The following DRAM1 variants were observed in gnomAD, a reference collection of about 807,000 sequenced individuals.
DRAM1 encodes DNA damage-regulated autophagy modulator protein 1.
DRAM1 carries 25 observed loss-of-function variants against 28.5 expected under a neutral mutation model. The observed-to-expected ratio is 0.88, with a 90% confidence interval of 0.64 to 1.23. The LOEUF is 1.23. Ranked by LOEUF, DRAM1 falls within the 50% of genes most tolerant of loss-of-function variation. DRAM1 has a pLI of 0.00. For missense variants in DRAM1, 249 were observed against 299.2 expected, an observed-to-expected ratio of 0.83 and a Z score of 1.24; for synonymous variants, 113 against 114.2, an observed-to-expected ratio of 0.99 and a Z score of 0.07.
At chr12:101,917,791 T>G (rs922313519) in intron 5 of DRAM1, among the ~76,000 whole-genome samples, 20 of 152,192 alleles carry the variant, frequency 1.3e-4, no homozygotes, top group African/African-American at 4.8e-4. Context: ...TTTTTCTTTC[T>G]TATATATGGG....
intron 5 of DRAM1, among the ~76,000 whole-genome samples, chr12:101,919,793 T>C (rs1355047057): frequency 6.6e-6 from 1 of 152,236 alleles, no homozygotes; most frequent in East Asian, 1.9e-4. Flanking sequence ...AATTTCTTTC[T>C]TCTGTTGAGT....
At chr12:101,920,548 C>T (rs993357195) in intron 6 of DRAM1, among the ~76,000 whole-genome samples, 1 of 152,082 alleles carries the variant, frequency 6.6e-6, no homozygotes, top group African/African-American at 2.4e-5. Flanking sequence ...AGTCATGTAT[C>T]CTGGTTGTTT....
At chr12:101,881,094 G>T (rs1238550334) in intron 1 of DRAM1, among the ~76,000 whole-genome samples, 5 of 152,116 alleles carry the variant, frequency 3.3e-5, no homozygotes. Context: ...ACATAGAGAA[G>T]AAGGCTGGGT....
At chr12:101,918,283 C>A (rs181608346) in intron 5 of DRAM1, among the ~76,000 whole-genome samples, 4 of 152,316 alleles carry the variant, frequency 2.6e-5, no homozygotes, top group African/African-American at 9.6e-5. Flanking sequence ...AGGGCTTTGC[C>A]TGCATTCAGG....
intron 1 of DRAM1, among the ~76,000 whole-genome samples, chr12:101,885,438 C>T (rs1872850282): frequency 1.3e-5 from 2 of 151,966 alleles, no homozygotes; most frequent in South Asian, 4.2e-4. Context: ...CACCAGGTTT[C>T]CCATGAACCA....
At chr12:101,887,454 A>G (rs772152539) in intron 1 of DRAM1, among the ~76,000 whole-genome samples, 7 of 152,220 alleles carry the variant, frequency 4.6e-5, no homozygotes, top group Non-Finnish European at 1.0e-4. Flanking sequence ...GGGCAAATGA[A>G]TACACATTGA....
Position 101,921,396 on chromosome 12 carries a change from C to G in DRAM1, c.*136C>G. On this transcript the variant is annotated 3_prime_UTR_variant, in exon 7 of 7. Transcript: ENST00000258534. ...CACATCCAGGACTTGAATTTCATTA[C>G]GAGTTCCTAATAGTTGTATTTCTAA... is the stretch of plus-strand genomic sequence containing the variant. 1 of 698,778 alleles carries G rather than the reference C, an allele frequency of 1.4e-6. No individual in the cohort carries two copies. Among genetic ancestry groups the G allele is most frequent in the South Asian group, 1.6e-5 (1 of 60,696 alleles). 43.3% of individuals were successfully genotyped at this position (698,778 alleles called of 1,614,324 possible).
chr12:101,900,795 T>C (rs1432411511), intron 2 of DRAM1, among the ~76,000 whole-genome samples: 3 of 152,318 alleles, frequency 2.0e-5, no homozygotes, highest in Admixed American at 6.5e-5. Context: ...TTCTAGGAAC[T>C]GGTCTTTCAG....
intron 2 of DRAM1, 58 bp from the exon 3 acceptor site, chr12:101,901,232 GT>G: frequency 1.3e-6 from 2 of 1,562,990 alleles, no homozygotes; most frequent in Non-Finnish European, 1.7e-6. Flanking sequence ...AGCTGCTCCT[GT>G]TTTTCATCCT....
rs575251291 is a variant in DRAM1, at chr12:101,921,257, T to A, written c.714T>A (p.Ile238=). Residue 238 remains isoleucine, a synonymous_variant, in exon 7 of 7, where the codon ATT becomes ATA. Transcript: ENST00000258534. ...TATCCACAGAAATCAATGGTGATAT[T>A]TGAAGAAAGAAGAATTCAGTCTCAC... ...LRISTEINGD[I] is the part of the protein sequence containing the mutation. 53 of 1,606,622 alleles carry A rather than the reference T, an allele frequency of 3.3e-5. 2 individuals carry two copies. In the Admixed American group the frequency reaches 4.7e-4, roughly 14 times the overall value.
chr12:101,877,946 C>T lies in DRAM1; in HGVS notation c.131+26C>T, dbSNP rs1350619801. On this transcript the variant is annotated intron_variant, in intron 1 of 6. Coordinates refer to ENST00000258534, the MANE Select transcript of DRAM1 (RefSeq NM_018370.3). This position sits in a 1 kb window ranked among gnomAD's most constrained non-coding sequence, Gnocchi z 4.1. ...GTGAGTGGCAGGGTGGGCGTCAGGG[C>T]CCCAGGAGCAGGCACAGGGACCACA... The T allele has an allele frequency of 6.7e-7, 1 of 1,495,294 alleles. No individual in the cohort carries two copies. The highest frequency in any genetic ancestry group is 2.1e-5 in the Admixed American group (1 of 48,216). The allele number at this position is 1,495,294 out of a possible 1,614,324, so 92.6% of individuals were successfully genotyped here.
chr12:101,903,823 G>A (rs2121108191), intron 3 of DRAM1, among the ~76,000 whole-genome samples: 1 of 151,666 alleles, frequency 6.6e-6, no homozygotes, highest in South Asian at 2.1e-4. Context: ...CAGCACTTAG[G>A]GAAGCCAAGG....
At chr12:101,901,201 C>A in intron 2 of DRAM1, 90 bp from the exon 3 acceptor site, 4 of 1,423,946 alleles carry the variant, frequency 2.8e-6, no homozygotes, top group Non-Finnish European at 9.4e-7. Flanking sequence ...GCAATCAGTA[C>A]ATTTTTAAAA....
chr12:101,908,877 T>G (rs1170825122), intron 4 of DRAM1, among the ~76,000 whole-genome samples: 2 of 143,266 alleles, frequency 1.4e-5, no homozygotes, highest in Non-Finnish European at 3.0e-5. Context: ...AGCTTGACAC[T>G]TCCCTTCCCC....
intron 3 of DRAM1, among the ~76,000 whole-genome samples, chr12:101,903,471 T>A (rs986786263): frequency 5.8e-4 from 88 of 152,256 alleles, no homozygotes; most frequent in African/African-American, 2.0e-3. Context: ...ATATGTGGAA[T>A]CTAAGAAAAT....
At chr12:101,889,521 AAGG>A (rs1203026165) in intron 1 of DRAM1, among the ~76,000 whole-genome samples, 12 of 109,114 alleles carry the variant, frequency 1.1e-4, no homozygotes, top group Admixed American at 6.9e-4. Flanking sequence ...GAAGGAAAGG[AAGG>A]AAGGAAGGAA....
intron 3 of DRAM1, among the ~76,000 whole-genome samples, chr12:101,902,236 A>G (rs1873632350): frequency 6.6e-6 from 1 of 152,218 alleles, no homozygotes; most frequent in South Asian, 2.1e-4. Context: ...CCATATTTTA[A>G]CCATACAATT....
At chr12:101,883,528 G>C (rs941344148) in intron 1 of DRAM1, among the ~76,000 whole-genome samples, 7 of 151,272 alleles carry the variant, frequency 4.6e-5, no homozygotes, top group African/African-American at 1.7e-4. Flanking sequence ...GTTAGCCAGG[G>C]TGGTCTCGAT....
At chr12:101,897,786 C>T (rs951464007) in intron 1 of DRAM1, 77 bp from the exon 2 acceptor site, 6 of 1,009,354 alleles carry the variant, frequency 5.9e-6, no homozygotes, top group Non-Finnish European at 9.1e-6. Flanking sequence ...GAATATAAAA[C>T]TCGCCAATTA....
Sources: allele counts gnomAD v4.1 joint callset (sites outside exome capture counted in the v4.1 genomes callset), GRCh38; gene constraint gnomAD v4.1.1; non-coding constraint Gnocchi (gnomAD v3.1); transcripts MANE v1.5; gene names NCBI Gene and HGNC (gene_info 2026-07-23, HGNC 2026-07-21).